SEMA6D: variants seen among roughly 807,000 people sequenced by gnomAD.
SEMA6D encodes the protein semaphorin 6D, also known as semaphorin-6D.
Under a neutral mutation model 106.6 loss-of-function variants are expected in SEMA6D, and 35 were observed. That is an observed-to-expected ratio of 0.33 (90% CI 0.25 to 0.44). SEMA6D has a LOEUF of 0.44. Ranked by LOEUF, SEMA6D falls within the 20% of genes least tolerant of loss-of-function variation. The pLI is 1.00. For synonymous variants in SEMA6D, 499 were observed against 487.7 expected (o/e 1.02, Z -0.31); for missense variants, 1,185 against 1,345.9 (o/e 0.88, Z 1.87).
chr15:47,557,758 G>A (rs1327838931), intron 3 of SEMA6D, among the ~76,000 whole-genome samples: 3 of 152,146 alleles, frequency 2.0e-5, no homozygotes, highest in African/African-American at 7.2e-5. Flanking sequence ...TGAATACATT[G>A]AAGTATATTA....
chr15:47,764,346 C>G, intron 11 of SEMA6D, 41 bp downstream of exon 11: 1 of 1,587,960 alleles, frequency 6.3e-7, no homozygotes. Context: ...TTGAACAAAA[C>G]CTTCCGGTCA....
At chr15:47,235,545 A>G (rs1369849158) in intron 1 of SEMA6D, among the ~76,000 whole-genome samples, 1 of 152,000 alleles carries the variant, frequency 6.6e-6, no homozygotes, top group Admixed American at 6.6e-5. Context: ...GTGGCTATTC[A>G]ATTTTCCCAG....
In SEMA6D at chr15:47,189,501, G is replaced by GA. The variant is rs375435860; in HGVS notation, c.-239+5091dup. Among the ~76,000 whole-genome samples the GA allele has an allele frequency of 4.0e-3, 606 of 151,832 alleles. 1 individual carries two copies. The highest frequency in any genetic ancestry group is 5.7e-3 in the Non-Finnish European group (385 of 67,926). On this transcript the variant is annotated intron_variant, in intron 1 of 19. Coordinates refer to the SEMA6D transcript ENST00000558014. ...AATAAAATGAAGCAAAAAGTTGAGA[G>GA]AAAAAAAACCCCAAAAACCACAAAA... is the stretch of plus-strand genomic sequence containing the variant.
At chr15:47,735,552 G>A (rs1300576693) in intron 1 of SEMA6D, among the ~76,000 whole-genome samples, 1 of 152,046 alleles carries the variant, frequency 6.6e-6, no homozygotes, top group African/African-American at 2.4e-5. Flanking sequence ...AATGATAAAA[G>A]ACATTTCAGA....
chr15:47,463,084 C>T (rs1300741923), intron 2 of SEMA6D, among the ~76,000 whole-genome samples: 12 of 152,100 alleles, frequency 7.9e-5, no homozygotes, highest in Non-Finnish European at 1.8e-4. Context: ...AATAAGACTA[C>T]CTCAGTTTCC....
chr15:47,292,075 T>C (rs2035613628), intron 1 of SEMA6D, among the ~76,000 whole-genome samples: 1 of 152,242 alleles, frequency 6.6e-6, no homozygotes, highest in South Asian at 2.1e-4. Context: ...GAATAAGTCA[T>C]GTTATTTTTA....
intron 1 of SEMA6D, among the ~76,000 whole-genome samples, chr15:47,722,178 G>T (rs916781027): frequency 1.3e-5 from 2 of 151,998 alleles, no homozygotes; most frequent in Admixed American, 1.3e-4. Context: ...ACCACCACAG[G>T]AAAGATTCTT....
At chr15:47,736,922 G>T (rs912318764) in intron 1 of SEMA6D, among the ~76,000 whole-genome samples, 1 of 152,114 alleles carries the variant, frequency 6.6e-6, no homozygotes, top group Admixed American at 6.6e-5. Context: ...GACAATCCCT[G>T]TAATACCAGC....
In SEMA6D at chr15:47,762,330, A is replaced by C; in HGVS notation, c.658+11A>C. On this transcript the variant is annotated intron_variant, in intron 8 of 18. Coordinates refer to ENST00000536845, the MANE Select transcript of SEMA6D (RefSeq NM_001358351.3). ...CCAAATGGATAAAAGGTACCTTTGA[A>C]GAGCAGTGTCGTGGGGTCACCAGGA... 6.2e-7 allele frequency: 1 copy of C among 1,612,626 alleles called. No individual in the cohort carries two copies. Among genetic ancestry groups the C allele is most frequent in the Non-Finnish European group, 8.5e-7 (1 of 1,179,338 alleles).
intron 1 of SEMA6D, among the ~76,000 whole-genome samples, chr15:47,336,951 A>G (rs371292554): frequency 3.9e-5 from 6 of 152,246 alleles, no homozygotes; most frequent in African/African-American, 1.4e-4. Flanking sequence ...TTTTCCTAAC[A>G]GTAATGGAAG....
intron 1 of SEMA6D, among the ~76,000 whole-genome samples, chr15:47,382,730 T>G (rs1017787057): frequency 7.2e-5 from 11 of 152,204 alleles, no homozygotes; most frequent in African/African-American, 2.4e-4. Context: ...GGGACAACCC[T>G]CTGCTTGTAC....
At chr15:47,505,063 G>A (rs1023940753) in intron 3 of SEMA6D, among the ~76,000 whole-genome samples, 10 of 151,976 alleles carry the variant, frequency 6.6e-5, no homozygotes, top group South Asian at 6.2e-4. Flanking sequence ...GGCTGTTTGC[G>A]GAAGTGGAGG....
At chr15:47,237,507 T>C (rs547634068) in intron 1 of SEMA6D, among the ~76,000 whole-genome samples, 31 of 152,198 alleles carry the variant, frequency 2.0e-4, no homozygotes, top group African/African-American at 7.5e-4. Flanking sequence ...CAATGCACTA[T>C]GACCGAAGGG....
At chr15:47,462,236 G>C (rs1392557389) in intron 2 of SEMA6D, among the ~76,000 whole-genome samples, 1 of 151,850 alleles carries the variant, frequency 6.6e-6, no homozygotes, top group African/African-American at 2.4e-5. Context: ...TGATTGTTTG[G>C]GGCTATTATT....
chr15:47,662,274 G>C (rs1444328315), intron 4 of SEMA6D, among the ~76,000 whole-genome samples: 1 of 151,770 alleles, frequency 6.6e-6, no homozygotes, highest in Non-Finnish European at 1.5e-5. Context: ...CTGTGCGTGT[G>C]GCTGTGTTGT....
At chr15:47,239,945 G>A (rs1375723895) in intron 1 of SEMA6D, among the ~76,000 whole-genome samples, 1 of 152,130 alleles carries the variant, frequency 6.6e-6, no homozygotes, top group African/African-American at 2.4e-5. Flanking sequence ...ATCTTTAAAA[G>A]TTATGTGAAG....
intron 1 of SEMA6D, among the ~76,000 whole-genome samples, chr15:47,238,289 C>A (rs1333602963): frequency 6.6e-6 from 1 of 152,048 alleles, no homozygotes; most frequent in Non-Finnish European, 1.5e-5. Context: ...TAATGATCTA[C>A]CTAATTATCC....
intron 4 of SEMA6D, among the ~76,000 whole-genome samples, chr15:47,703,960 A>G (rs2078864835): frequency 6.6e-6 from 1 of 152,204 alleles, no homozygotes; most frequent in African/African-American, 2.4e-5. Context: ...GTGTAAAAGA[A>G]AGAAAATTAT....
At chr15:47,348,975 C>T (rs1595791050) in intron 1 of SEMA6D, among the ~76,000 whole-genome samples, 3 of 152,124 alleles carry the variant, frequency 2.0e-5, no homozygotes, top group Non-Finnish European at 2.9e-5. Context: ...CAAGCAGTTG[C>T]TGCAGCTACC....
Sources: gnomAD v4.1 joint callset for allele counts (sites outside exome capture counted in the v4.1 genomes callset) on GRCh38, gnomAD v4.1.1 for gene constraint, MANE v1.5 for transcripts, NCBI Gene and HGNC (gene_info 2026-07-23, HGNC 2026-07-21) for gene names.